Variants in IQSEC1 observed in about 807,000 individuals in gnomAD.
IQSEC1 encodes IQ motif and SEC7 domain-containing protein 1.
IQSEC1 carries 31 observed loss-of-function variants against 91.0 expected under a neutral mutation model. The observed-to-expected ratio is 0.34, with a 90% CI of 0.26 to 0.46. The LOEUF (loss-of-function observed/expected upper bound fraction) is 0.46. Among genes scored for constraint, IQSEC1 ranks in the 20% least tolerant of loss-of-function variants. The pLI is 1.00. For missense variants in IQSEC1, 1,388 were observed against 1,575.6 expected, an observed-to-expected ratio of 0.88 and a Z score of 2.02; for synonymous variants, 699 against 662.6, an observed-to-expected ratio of 1.05 and a Z score of -0.84.
chr3:13,196,315 T>A (rs1694124416), intron 1 of IQSEC1, among the ~76,000 whole-genome samples: 1 of 152,160 alleles, frequency 6.6e-6, no homozygotes, highest in South Asian at 2.1e-4. Context: ...TGAGTCTTCT[T>A]CCAGCTGGTG....
At chr3:13,022,854 C>T (rs577987997) in intron 1 of IQSEC1, among the ~76,000 whole-genome samples, 57 of 152,310 alleles carry the variant, frequency 3.7e-4, no homozygotes, top group Admixed American at 2.0e-3. Flanking sequence ...GTGAGTGAGA[C>T]GGTTTCCAGC....
At chr3:12,911,880 T>C (rs1458053681) in intron 9 of IQSEC1, 152 bp from the exon 10 acceptor site, 2 of 663,428 alleles carry the variant, frequency 3.0e-6, no homozygotes, top group Non-Finnish European at 2.7e-6. Flanking sequence ...ACTCCAAGAC[T>C]CGGACAACGG....
chr3:13,271,668 C>T (rs2125145534), intron 1 of IQSEC1, among the ~76,000 whole-genome samples: 1 of 151,550 alleles, frequency 6.6e-6, no homozygotes, highest in South Asian at 2.1e-4. Context: ...TGGTGGTGCA[C>T]ACCTGTAGTC....
chr3:12,954,747 G>A (rs528440367), intron 1 of IQSEC1, among the ~76,000 whole-genome samples: 36 of 152,218 alleles, frequency 2.4e-4, no homozygotes, highest in Non-Finnish European at 4.7e-4. Context: ...CATGGCAGGC[G>A]CTCAGTCTGA....
intron 1 of IQSEC1, among the ~76,000 whole-genome samples, chr3:13,267,918 G>C (rs1351108425): frequency 1.3e-5 from 2 of 152,148 alleles, no homozygotes; most frequent in Admixed American, 6.5e-5. Flanking sequence ...CGCCTGGCCA[G>C]AGTCAGCAAA....
chr3:12,913,875 C>A (rs1033468723), intron 8 of IQSEC1, among the ~76,000 whole-genome samples: 1 of 152,220 alleles, frequency 6.6e-6, no homozygotes, highest in African/African-American at 2.4e-5. Flanking sequence ...TCACGTTCAC[C>A]TGGGAGCCTC....
chr3:12,912,541 G>A (rs936582497), intron 9 of IQSEC1, among the ~76,000 whole-genome samples: 3 of 152,166 alleles, frequency 2.0e-5, no homozygotes, highest in Non-Finnish European at 2.9e-5. Flanking sequence ...ACATGGGCCT[G>A]TAGTCCCAGC....
rs529615131 is a variant in IQSEC1, at chr3:13,262,147, C to A, written c.272+20564G>T. 2.0e-5 allele frequency among the ~76,000 whole-genome samples: 3 copies of A among 152,230 alleles called. No individual in the cohort carries two copies. In the South Asian group the frequency reaches 6.2e-4, roughly 32 times the overall value. The stretch of plus-strand genomic sequence containing the variant: ...CATGAGCCGCTGGACCTGAGCCACA[C>A]TTCCCCAGGTGAACGGGGTCAGTCC... On this transcript the variant is annotated intron_variant, in intron 1 of 15. Transcript: ENST00000648114.
In IQSEC1 at chr3:12,973,727, T is replaced by TAC. The variant is rs747631552; in HGVS notation, c.24-31864_24-31863dup. On this transcript the variant is annotated intron_variant, in intron 1 of 13. Transcript: ENST00000613206. Reference sequence around the variant, plus strand: ...CCCACAAATATATACACCTACTGTGTACCCACAAAAATTAAAAATTAAATA... The same window carrying TAC: ...CCCACAAATATATACACCTACTGTGTACACCCACAAAAATTAAAAATTAAATA... Among the ~76,000 whole-genome samples the TAC allele has an allele frequency of 9.2e-5, 14 of 152,226 alleles. 1 individual carries two copies. The highest frequency in any genetic ancestry group is 1.6e-4 in the Non-Finnish European group (11 of 68,034).
At chr3:13,204,944 G>A (rs1490084497) in intron 1 of IQSEC1, among the ~76,000 whole-genome samples, 2 of 151,748 alleles carry the variant, frequency 1.3e-5, no homozygotes, top group East Asian at 1.9e-4. Context: ...GGGATTACAG[G>A]CGCGCACCAC....
chr3:13,095,537 C>G (rs1705939682), intron 2 of IQSEC1, among the ~76,000 whole-genome samples: 1 of 152,140 alleles, frequency 6.6e-6, no homozygotes, highest in Non-Finnish European at 1.5e-5. Flanking sequence ...GGCCGAGTTG[C>G]TTCCTGCTCA....
chr3:12,906,821 G>A (rs982169685), intron 12 of IQSEC1, among the ~76,000 whole-genome samples: 2 of 152,212 alleles, frequency 1.3e-5, no homozygotes, highest in African/African-American at 4.8e-5. Context: ...GAGGGGCTAA[G>A]GGAAGGGAGA....
intron 5 of IQSEC1, 37 bp from the exon 6 acceptor site, chr3:12,920,633 C>T (rs1696543112): frequency 1.9e-6 from 3 of 1,604,632 alleles, no homozygotes; most frequent in Admixed American, 1.7e-5. Flanking sequence ...GGCCATGGCG[C>T]AGCAAGTGAC....
chr3:13,226,493 G>A (rs766518388), intron 1 of IQSEC1, among the ~76,000 whole-genome samples: 1 of 151,868 alleles, frequency 6.6e-6, no homozygotes, highest in Non-Finnish European at 1.5e-5. Flanking sequence ...TGGGCAAGGT[G>A]TAATCCCAGT....
At chr3:13,190,555 C>CAAAAAAAAACA (rs1553573147) in intron 1 of IQSEC1, among the ~76,000 whole-genome samples, 9 of 142,646 alleles carry the variant, frequency 6.3e-5, no homozygotes, top group East Asian at 2.1e-4. Flanking sequence ...GACCCTGTCT[C>CAAAAAAAAACA]AAAAAAAAAA....
intron 1 of IQSEC1, among the ~76,000 whole-genome samples, chr3:13,233,047 G>A (rs546197327): frequency 1.6e-4 from 24 of 152,346 alleles, no homozygotes; most frequent in Middle Eastern, 3.4e-3. Flanking sequence ...TCCTGGAGAT[G>A]GGTGGCAGTG....
intron 1 of IQSEC1, among the ~76,000 whole-genome samples, chr3:13,270,170 A>G (rs1290787781): frequency 2.0e-5 from 3 of 152,218 alleles, no homozygotes; most frequent in South Asian, 4.1e-4. Context: ...TTAAAAACAT[A>G]GGGAACAGAA....
At chr3:13,197,115 T>A (rs899618407) in intron 1 of IQSEC1, among the ~76,000 whole-genome samples, 2 of 152,100 alleles carry the variant, frequency 1.3e-5, no homozygotes, top group Non-Finnish European at 2.9e-5. Context: ...GGCTACCTCC[T>A]CTTGGGACTG....
rs1354712275 is a variant in IQSEC1, at chr3:13,207,017, C to T, written c.273-42884G>A. ...CGCCTCCTGGTTAGCCACACCTGGA[C>T]TGGTCATTTCCCATCTCTAGCATAT... On this transcript the variant is annotated intron_variant, in intron 1 of 15. Transcript: ENST00000648114. The surrounding 1 kb of genome is among the most constrained non-coding windows in gnomAD (Gnocchi z 4.8). 6.6e-6 allele frequency among the ~76,000 whole-genome samples: 1 copy of T among 152,114 alleles called. No individual in the cohort carries two copies. The highest frequency in any genetic ancestry group is 1.5e-5 in the Non-Finnish European group (1 of 68,026).
Sources: gnomAD v4.1 joint callset for allele counts (sites outside exome capture counted in the v4.1 genomes callset) on GRCh38, gnomAD v4.1.1 for gene constraint, Gnocchi (gnomAD v3.1) non-coding constraint, MANE v1.5 for transcripts, NCBI Gene and HGNC (gene_info 2026-07-23, HGNC 2026-07-21) for gene names.